The following ARHGAP30 variants were observed in gnomAD, a reference collection of about 807,000 sequenced individuals.
ARHGAP30 encodes the protein Rho GTPase activating protein 30.
Under a neutral mutation model 72.0 loss-of-function variants are expected in ARHGAP30, and 23 were observed. The observed-to-expected ratio is 0.32, with a 90% CI of 0.23 to 0.45. The LOEUF is 0.45. ARHGAP30 is among the 20% of genes least tolerant of loss of function. The probability of loss-of-function intolerance (pLI) is 1.00; values close to 1 mark genes in which losing one functional copy is unlikely to be tolerated. For missense variants in ARHGAP30, 1,319 were observed against 1,383.4 expected (o/e 0.95, Z 0.74); for synonymous variants, 576 against 528.2 (o/e 1.09, Z -1.24).
intron 6 of ARHGAP30, 114 bp downstream of exon 6, chr1:161,053,144 C>T: frequency 1.4e-6 from 2 of 1,462,136 alleles, no homozygotes; most frequent in Non-Finnish European, 1.9e-6. Flanking sequence ...CTCCATGTGG[C>T]CACTACCAAC....
At chr1:161,049,400 C>G (rs993686442) in intron 11 of ARHGAP30, 24 bp downstream of exon 11, 2 of 1,599,528 alleles carry the variant, frequency 1.3e-6, no homozygotes, top group South Asian at 1.1e-5. Flanking sequence ...ATGCCACCCC[C>G]AAACCCAGCA....
In ARHGAP30 at chr1:161,049,693, T is replaced by C. The variant is rs890753741; in HGVS notation, c.1421-4A>G. On this transcript the variant is annotated splice_polypyrimidine_tract_variant and splice_region_variant and intron_variant, in intron 10 of 11. Coordinates refer to ENST00000368013, the MANE Select transcript of ARHGAP30 (RefSeq NM_001025598.2). Reference sequence around the variant, plus strand: ...GGACTTGCTTCCAACTTTTCATCTGTTGGGGGAGAAGTAGTCCCAGGAATA... The same window carrying C: ...GGACTTGCTTCCAACTTTTCATCTGCTGGGGGAGAAGTAGTCCCAGGAATA... 3 of 1,611,772 alleles carry C rather than the reference T, an allele frequency of 1.9e-6. No individual in the cohort carries two copies. The highest frequency in any genetic ancestry group is 2.2e-5 in the East Asian group (1 of 44,890).
chr1:161,064,835 A>AAGAAAGAAAGAAAGAAAG (rs1571122305), intron 1 of ARHGAP30, among the ~76,000 whole-genome samples: 30 of 73,126 alleles, frequency 4.1e-4, no homozygotes, highest in East Asian at 9.2e-4. Flanking sequence ...AAGAAAGAGA[A>AAGAAAGAAAGAAAGAAAG]AGAAAGAAAG....
In ARHGAP30 at chr1:161,051,428, A is replaced by G; in HGVS notation, c.1306T>C (p.Ser436Pro). The G allele has an allele frequency of 1.2e-6, 2 of 1,614,188 alleles. No homozygotes were observed. The highest frequency in any genetic ancestry group is 8.5e-7 in the Non-Finnish European group (1 of 1,180,044). The change falls in exon 10 of 12, where the codon TCT becomes CCT. Residue 436 changes from serine (S) to proline (P), a missense_variant. Coordinates refer to ENST00000368013, the MANE Select transcript of ARHGAP30 (RefSeq NM_001025598.2). ...SILSVPPNII[S>P]NVSLARLTRG... The stretch of plus-strand genomic sequence containing the variant: ...GTGAGCCTGGCCAAGGAAACGTTAG[A>G]GATGATGTTCGGGGGCACACTGAGG...
In ARHGAP30 at chr1:161,048,430, C is replaced by A. The variant is rs1429866390; in HGVS notation, c.2591G>T (p.Gly864Val). Reference sequence around the variant, plus strand: ...AACCTCCAGGGACGCTACACCTGAACCTTCAGAGAGGGTGTCCTCTTCTAA... The same window carrying A: ...AACCTCCAGGGACGCTACACCTGAAACTTCAGAGAGGGTGTCCTCTTCTAA... ...YYLEEDTLSE[G>V]SGVASLEVDC... The change falls in exon 12 of 12, where the codon GGT (glycine) becomes GTT (valine). Residue 864 changes from glycine to valine, a missense_variant. This residue lies in a region of ARHGAP30 where 1,097 missense variants were observed against 1,045.2 expected (regional missense o/e 1.05). Coordinates refer to ENST00000368013, the MANE Select transcript of ARHGAP30 (RefSeq NM_001025598.2). The A allele has an allele frequency of 2.5e-6, 4 of 1,614,016 alleles. No homozygotes were observed. The Admixed American group carries it at 5.0e-5, about 20-fold the overall frequency.
At chr1:161,062,248 TA>T (rs1366405683) in intron 1 of ARHGAP30, among the ~76,000 whole-genome samples, 1 of 152,012 alleles carries the variant, frequency 6.6e-6, no homozygotes, top group Non-Finnish European at 1.5e-5. Flanking sequence ...AAATACGAAA[TA>T]AAATATAAAC....
chr1:161,056,818 T>C (rs1651910589), intron 2 of ARHGAP30, among the ~76,000 whole-genome samples: 1 of 152,190 alleles, frequency 6.6e-6, no homozygotes, highest in Admixed American at 6.5e-5. Flanking sequence ...TACAAGGGTC[T>C]GTAAGAGTCA....
At chr1:161,055,482 G>C (rs970921577) in intron 3 of ARHGAP30, among the ~76,000 whole-genome samples, 1 of 152,024 alleles carries the variant, frequency 6.6e-6, no homozygotes, top group African/African-American at 2.4e-5. Context: ...GACCGAAGGA[G>C]ACCCTGTCTC....
intron 9 of ARHGAP30, 57 bp from the exon 10 acceptor site, chr1:161,051,772 C>T (rs1355804678): frequency 2.7e-6 from 4 of 1,490,390 alleles, no homozygotes; most frequent in Admixed American, 4.9e-5. Context: ...GGGGCCTAGA[C>T]ATCTCAAGAA....
At position 161,053,485 on chromosome 1, in the gene ARHGAP30, T is replaced by A. The variant is rs906108810; in HGVS notation, c.537-100A>T. On this transcript the variant is annotated intron_variant, in intron 5 of 11. Coordinates refer to ENST00000368013, the MANE Select transcript of ARHGAP30 (RefSeq NM_001025598.2). ...TATTCTCTCTCTCTCTCTCTCTCTC[T>A]CTCTCTCTCTCTCTCTCTCTCGAAT... 15 of 1,237,300 alleles carry A rather than the reference T, an allele frequency of 1.2e-5. No homozygotes were observed. In the African/African-American group the frequency reaches 2.4e-4, roughly 20 times the overall value. 76.6% of individuals were successfully genotyped at this position (1,237,300 alleles called of 1,614,324 possible).
Position 161,069,640 on chromosome 1 carries a change from G to T in ARHGAP30, c.-16C>A. 1 of 1,606,808 alleles carries T rather than the reference G, an allele frequency of 6.2e-7. No homozygotes were observed. The highest frequency in any genetic ancestry group is 8.5e-7 in the Non-Finnish European group (1 of 1,179,658). ...GAGACTTCATGGCCAGAGCCCCAGG[G>T]CACTGGCCCGGTCACCTCTATCCCC... is the stretch of plus-strand genomic sequence containing the variant. On this transcript the variant is annotated 5_prime_UTR_variant, in exon 1 of 12. Coordinates refer to ENST00000368013, the MANE Select transcript of ARHGAP30 (RefSeq NM_001025598.2). The surrounding 1 kb of genome is among the most constrained non-coding windows in gnomAD (Gnocchi z 4.9).
rs749846719 is a variant in ARHGAP30, at chr1:161,048,974, C to A, written c.2047G>T (p.Val683Leu). 1 of 1,613,808 alleles carries A rather than the reference C, an allele frequency of 6.2e-7. No homozygotes were observed. Among genetic ancestry groups the A allele is most frequent in the South Asian group, 1.1e-5 (1 of 91,090 alleles). The stretch of plus-strand genomic sequence containing the variant: ...TCCTCACTGGCCTTTCCAGCCTCCA[C>A]CTTGGTCTCTGGACTTCCCTCTGCC... ...EEAEGSPETK[V>L]EAGKASEDRG... The change falls in exon 12 of 12, where the codon GTG (valine) becomes TTG (leucine). Residue 683 changes from valine to leucine, a missense_variant. Transcript: ENST00000368013.
Position 161,069,825 on chromosome 1 carries a change from G to A in ARHGAP30, c.-201C>T. ...CCCCGGCCACACGGAAGTGGCTGTT[G>A]AAGAGGAAGCTACCAGGACCCTGGC... On this transcript the variant is annotated 5_prime_UTR_variant, in exon 1 of 12. Coordinates refer to ENST00000368013, the MANE Select transcript of ARHGAP30 (RefSeq NM_001025598.2). This position sits in a 1 kb window ranked among gnomAD's most constrained non-coding sequence, Gnocchi z 4.9. 1 of 594,202 alleles carries A rather than the reference G, an allele frequency of 1.7e-6. No individual in the cohort carries two copies. The highest frequency in any genetic ancestry group is 2.8e-5 in the East Asian group (1 of 35,744). The allele number at this position is 594,202 out of a possible 1,614,324, so 36.8% of individuals were successfully genotyped here. A position where few individuals can be genotyped will look rare whatever the true frequency, so the allele number is the denominator to read the frequency against.
At chr1:161,051,276 T>G in intron 10 of ARHGAP30, 38 bp downstream of exon 10, 1 of 1,531,636 alleles carries the variant, frequency 6.5e-7, no homozygotes, top group Non-Finnish European at 8.8e-7. Context: ...AGAGTTCCAG[T>G]CCCCTTTCCT....
At chr1:161,056,966 A>T (rs1415209611) in intron 2 of ARHGAP30, among the ~76,000 whole-genome samples, 1 of 152,202 alleles carries the variant, frequency 6.6e-6, no homozygotes, top group Non-Finnish European at 1.5e-5. Flanking sequence ...CTAAAAGCAC[A>T]AGCAAACAAA....
chr1:161,053,732 A>G (rs1022962013), intron 5 of ARHGAP30, among the ~76,000 whole-genome samples: 1 of 152,192 alleles, frequency 6.6e-6, no homozygotes, highest in African/African-American at 2.4e-5. Context: ...ATGCACAGTG[A>G]GCACAGCCAA....
chr1:161,048,041 T>G lies in ARHGAP30; in HGVS notation c.2980A>C (p.Ser994Arg). Residue 994 changes from serine (S) to arginine (R), a missense_variant, in exon 12 of 12, where the codon AGT becomes CGT. By Grantham distance (110) the Ser-to-Arg change is moderately radical. This residue lies in a region of ARHGAP30 where 1,097 missense variants were observed against 1,045.2 expected (regional missense o/e 1.05). Transcript: ENST00000368013. ...GCCACAGCAGCATCAAAGGAAAGAC[T>G]ACCCCCATTCCTCCAAGAGGATCGA... ...ASRSSWRNGG[S>R]LSFDAAVALA... 1 of 1,614,142 alleles carries G rather than the reference T, an allele frequency of 6.2e-7. No individual in the cohort carries two copies. The highest frequency in any genetic ancestry group is 8.5e-7 in the Non-Finnish European group (1 of 1,180,022).
intron 2 of ARHGAP30, 86 bp downstream of exon 2, chr1:161,059,528 T>C: frequency 8.7e-7 from 1 of 1,155,242 alleles, no homozygotes; most frequent in Non-Finnish European, 1.2e-6. Context: ...TCACTCCCCA[T>C]CTCTGCTGTC....
chr1:161,061,229 A>T (rs927548035), intron 1 of ARHGAP30, among the ~76,000 whole-genome samples: 1 of 151,746 alleles, frequency 6.6e-6, no homozygotes, highest in Non-Finnish European at 1.5e-5. Flanking sequence ...GCAGTGGCAC[A>T]GTCTTGGCTC....
Sources: allele counts gnomAD v4.1 joint callset (sites outside exome capture counted in the v4.1 genomes callset), GRCh38; gene constraint gnomAD v4.1.1; regional missense constraint gnomAD v4.1.1; non-coding constraint Gnocchi (gnomAD v3.1); transcripts MANE v1.5; gene names NCBI Gene and HGNC (gene_info 2026-07-23, HGNC 2026-07-21).